DAPK2: variants seen among roughly 807,000 people sequenced by gnomAD.
The protein encoded by DAPK2 is death associated protein kinase 2.
DAPK2 carries 35 observed loss-of-function variants against 44.1 expected under a neutral mutation model. The ratio of observed to expected loss-of-function variants is 0.79; its 90% CI spans 0.61 to 1.05. DAPK2 has a LOEUF of 1.05. Among genes scored for constraint, DAPK2 ranks in the 50% least tolerant of loss-of-function variants. The pLI, the probability that DAPK2 is intolerant of heterozygous loss-of-function variation, is 0.00. For synonymous variants in DAPK2, 174 were observed against 182.6 expected, an observed-to-expected ratio of 0.95 and a Z score of 0.38; for missense variants, 453 against 483.2, an observed-to-expected ratio of 0.94 and a Z score of 0.59.
rs972881894 is a variant in DAPK2, at chr15:63,923,788, C to T, written c.858+1028G>A. Among the ~76,000 whole-genome samples, 7 of 152,222 alleles carry T rather than the reference C, an allele frequency of 4.6e-5. No individual in the cohort carries two copies. The highest frequency in any genetic ancestry group is 7.3e-5 in the Non-Finnish European group (5 of 68,042). ...CAGATAAAGCTGACCTCTTCCCAGA[C>T]GACTCCAGCCCTCCCTGTTCTGTCT... On this transcript the variant is annotated intron_variant, in intron 8 of 10. Transcript: ENST00000261891. This position sits in a 1 kb window ranked among gnomAD's most constrained non-coding sequence, Gnocchi z 4.2.
chr15:63,971,692 A>G (rs2078218301), intron 2 of DAPK2, 131 bp from the exon 4 acceptor site: 1 of 985,926 alleles, frequency 1.0e-6, no homozygotes, highest in Non-Finnish European at 1.5e-6. Context: ...CCCCTGGCTT[A>G]TTTCTGGGGC....
intron 3 of DAPK2, among the ~76,000 whole-genome samples, chr15:63,955,559 T>C (rs887311255): frequency 3.3e-5 from 5 of 152,116 alleles, no homozygotes; most frequent in African/African-American, 1.2e-4. Flanking sequence ...TTGGTATTAG[T>C]TCTTTGTTGT....
At chr15:63,951,244 A>G (rs917458965) in intron 3 of DAPK2, among the ~76,000 whole-genome samples, 1 of 152,152 alleles carries the variant, frequency 6.6e-6, no homozygotes, top group African/African-American at 2.4e-5. Flanking sequence ...AGGGGAAGCT[A>G]CCAAATCCAA....
intron 2 of DAPK2, 65 bp downstream of exon 3, chr15:63,983,468 A>C (rs902608410): frequency 1.3e-6 from 2 of 1,494,430 alleles, no homozygotes; most frequent in Non-Finnish European, 1.9e-6. Context: ...CTGTGGCTGG[A>C]GTTTCCACTG....
intron 1 of DAPK2, among the ~76,000 whole-genome samples, chr15:64,033,545 A>G (rs971667087): frequency 3.9e-5 from 6 of 152,194 alleles, no homozygotes; most frequent in African/African-American, 1.4e-4. Context: ...GTTGACTGTT[A>G]TGGTCGTGTG....
intron 3 of DAPK2, among the ~76,000 whole-genome samples, chr15:63,963,639 C>T (rs2077974197): frequency 6.6e-6 from 1 of 151,998 alleles, no homozygotes; most frequent in African/African-American, 2.4e-5. Context: ...TCCGTCCTTC[C>T]TGTCTTCCTT....
At chr15:64,001,653 A>C (rs1288301283) in intron 1 of DAPK2, among the ~76,000 whole-genome samples, 1 of 151,870 alleles carries the variant, frequency 6.6e-6, no homozygotes, top group East Asian at 1.9e-4. Flanking sequence ...TCTCAATTGC[A>C]CCCTTAAGAA....
chr15:64,014,508 G>A (rs1439094864), intron 1 of DAPK2, among the ~76,000 whole-genome samples: 1 of 152,244 alleles, frequency 6.6e-6, no homozygotes, highest in Non-Finnish European at 1.5e-5. Context: ...TATGCCAGTT[G>A]AGCAGCCAAG....
intron 3 of DAPK2, among the ~76,000 whole-genome samples, chr15:63,961,328 T>C (rs1051512922): frequency 2.0e-4 from 30 of 152,214 alleles, no homozygotes; most frequent in Non-Finnish European, 3.4e-4. Flanking sequence ...AATTGGAGCA[T>C]TTAGCCCATT....
chr15:64,006,916 A>C (rs1356911197), intron 1 of DAPK2, among the ~76,000 whole-genome samples: 1 of 152,080 alleles, frequency 6.6e-6, no homozygotes, highest in Non-Finnish European at 1.5e-5. Flanking sequence ...CCTCCCACCC[A>C]TAGGGAGCCC....
rs28491086 is a variant in DAPK2, at chr15:63,936,951, G to A, written c.583+2281C>T. Among the ~76,000 whole-genome samples, 516 of 143,182 alleles carry A rather than the reference G, an allele frequency of 3.6e-3. 4 individuals carry two copies. The highest frequency in any genetic ancestry group is 0.013 in the African/African-American group (498 of 38,616). 93.9% of individuals were successfully genotyped at this position (143,182 alleles called of 152,430 possible). A position where few individuals can be genotyped will look rare whatever the true frequency, so the allele number is the denominator to read the frequency against. On this transcript the variant is annotated intron_variant, in intron 4 of 10. Coordinates refer to ENST00000261891, the Ensembl canonical transcript of DAPK2. ...GGTATGATTGCATCACTGCACTCCA[G>A]CCTGGGTGACAGAGTGAGACCCTGT...
chr15:63,989,690 CA>C (rs1230417217), intron 1 of DAPK2, among the ~76,000 whole-genome samples: 7 of 152,246 alleles, frequency 4.6e-5, no homozygotes. Flanking sequence ...TACATACACA[CA>C]CACATACATA....
intron 3 of DAPK2, among the ~76,000 whole-genome samples, chr15:63,970,988 G>A (rs1424780104): frequency 1.3e-5 from 2 of 152,182 alleles, no homozygotes; most frequent in African/African-American, 4.8e-5. Context: ...TACAAGCTCT[G>A]GTCAAGGGAT....
At chr15:64,018,988 C>T (rs546929276) in intron 1 of DAPK2, among the ~76,000 whole-genome samples, 1 of 152,318 alleles carries the variant, frequency 6.6e-6, no homozygotes, top group South Asian at 2.1e-4. Context: ...TAATGCCTGT[C>T]CAATAAGGCT....
chr15:64,036,344 T>TATATAC (rs2080210296), intron 1 of DAPK2, among the ~76,000 whole-genome samples: 1 of 135,090 alleles, frequency 7.4e-6, no homozygotes, highest in Admixed American at 8.2e-5. Flanking sequence ...TATACATATA[T>TATATAC]ATATATATAT....
chr15:63,986,659 G>C (rs1291529900), intron 1 of DAPK2, among the ~76,000 whole-genome samples: 1 of 152,164 alleles, frequency 6.6e-6, no homozygotes, highest in Non-Finnish European at 1.5e-5. Context: ...TGTGAAAATA[G>C]CTCTATTCCG....
At chr15:63,935,814 A>G (rs977118174) in intron 4 of DAPK2, 1 of 151,850 alleles carries the variant, frequency 6.6e-6, no homozygotes, top group East Asian at 1.9e-4. Flanking sequence ...TCATATTTCT[A>G]TGTCTTTGTC....
At chr15:63,987,649 G>A (rs534728911) in intron 1 of DAPK2, among the ~76,000 whole-genome samples, 3 of 152,260 alleles carry the variant, frequency 2.0e-5, no homozygotes, top group South Asian at 4.1e-4. Context: ...TTCAGTTCAT[G>A]TTTCTCCATC....
chr15:63,994,721 C>G (rs987881858), intron 1 of DAPK2, among the ~76,000 whole-genome samples: 1 of 151,720 alleles, frequency 6.6e-6, no homozygotes, highest in Non-Finnish European at 1.5e-5. Context: ...TCCTGAGTAG[C>G]TGGGATTACA....
Sources: gnomAD v4.1 joint callset for allele counts (sites outside exome capture counted in the v4.1 genomes callset) on GRCh38, gnomAD v4.1.1 for gene constraint, Gnocchi (gnomAD v3.1) non-coding constraint, MANE v1.5 for transcripts, NCBI Gene and HGNC (gene_info 2026-07-23, HGNC 2026-07-21) for gene names.